KIAA0825: variants seen among roughly 807,000 people sequenced by gnomAD.
The protein encoded by KIAA0825 is uncharacterized protein KIAA0825.
KIAA0825 carries 119 observed loss-of-function variants against 147.6 expected under a neutral mutation model. That is an observed-to-expected ratio of 0.81 (90% CI 0.69 to 0.94). The LOEUF (loss-of-function observed/expected upper bound fraction) is 0.94. Ranked by LOEUF, KIAA0825 falls within the 40% of genes least tolerant of loss-of-function variation. The pLI, the probability that KIAA0825 is intolerant of heterozygous loss-of-function variation, is 0.00. For missense variants in KIAA0825, 1,381 were observed against 1,472.7 expected (o/e 0.94, Z 1.02); for synonymous variants, 470 against 518.1 (o/e 0.91, Z 1.26).
In KIAA0825 at chr5:94,152,843, AAAAAAAAAAAAATTAT is replaced by A. The variant is rs1766614901; in HGVS notation, c.*1148_*1163del. On this transcript the variant is annotated 3_prime_UTR_variant, in exon 21 of 21. Transcript: ENST00000682413. The stretch of plus-strand genomic sequence containing the variant: ...AATGAAAAAAAAAAAAAAAAAAAAA[AAAAAAAAAAAAATTAT>A]ATATATATATATATATATATATATA... The A allele has an allele frequency of 6.2e-4, 22 of 35,678 alleles. No individual in the cohort carries two copies. Among genetic ancestry groups the A allele is most frequent in the Non-Finnish European group, 1.0e-3 (19 of 18,222 alleles). 2.2% of individuals were successfully genotyped at this position (35,678 alleles called of 1,614,324 possible).
At chr5:94,202,190 A>G (rs1562310435) in intron 20 of KIAA0825, among the ~76,000 whole-genome samples, 1 of 152,232 alleles carries the variant, frequency 6.6e-6, no homozygotes, top group East Asian at 1.9e-4. Context: ...TAGCATCTGC[A>G]TGGCTGTACA....
intron 20 of KIAA0825, among the ~76,000 whole-genome samples, chr5:94,241,272 G>A (rs1775329851): frequency 6.6e-6 from 1 of 152,160 alleles, no homozygotes; most frequent in Non-Finnish European, 1.5e-5. Context: ...TTCAGCCACA[G>A]ACTGAAGCAA....
intron 1 of KIAA0825, among the ~76,000 whole-genome samples, chr5:94,613,914 T>C (rs1047019091): frequency 2.0e-5 from 3 of 152,254 alleles, no homozygotes; most frequent in Non-Finnish European, 2.9e-5. Context: ...AAAAATTTGA[T>C]TAATATGGCA....
At chr5:94,386,500 T>C in intron 18 of KIAA0825, 96 bp from the exon 19 acceptor site, 1 of 1,000,002 alleles carries the variant, frequency 1.0e-6, no homozygotes, top group Admixed American at 2.5e-5. Flanking sequence ...TTTCAGCACA[T>C]TTGCTAGATT....
chr5:94,334,040 A>G (rs1463727260), intron 20 of KIAA0825, among the ~76,000 whole-genome samples: 9 of 152,200 alleles, frequency 5.9e-5, no homozygotes. Context: ...AGTAATTTAT[A>G]CATTCAATGC....
chr5:94,447,757 T>C (rs548912417), intron 13 of KIAA0825, among the ~76,000 whole-genome samples: 1 of 152,238 alleles, frequency 6.6e-6, no homozygotes, highest in African/African-American at 2.4e-5. Flanking sequence ...GAGGAAAATA[T>C]ATGTATATAA....
intron 14 of KIAA0825, among the ~76,000 whole-genome samples, chr5:94,433,761 T>C (rs1323421514): frequency 1.3e-5 from 2 of 152,224 alleles, no homozygotes; most frequent in East Asian, 3.8e-4. Context: ...ACATGTTAAA[T>C]AGTATGCATT....
chr5:94,497,717 CTT>C (rs756811097), intron 5 of KIAA0825, among the ~76,000 whole-genome samples: 5 of 152,184 alleles, frequency 3.3e-5, no homozygotes, highest in Non-Finnish European at 5.9e-5. Context: ...TGGTATCAAA[CTT>C]TAGCATGTAT....
chr5:94,387,699 A>T (rs1054408633), intron 18 of KIAA0825, among the ~76,000 whole-genome samples: 2 of 140,776 alleles, frequency 1.4e-5, no homozygotes, highest in African/African-American at 5.2e-5. Context: ...TCTCAAAAAT[A>T]AAAAAAAAAA....
intron 17 of KIAA0825, 126 bp downstream of exon 17, chr5:94,395,975 T>C: frequency 1.2e-6 from 1 of 825,366 alleles, no homozygotes. Context: ...TTTATATTCA[T>C]CAAAGCTGCC....
Position 94,285,741 on chromosome 5 carries a change from AGG to A in KIAA0825, c.3710+98625_3710+98626del, listed in dbSNP as rs573345535. On this transcript the variant is annotated intron_variant, in intron 20 of 20. Transcript: ENST00000682413. Reference sequence around the variant, plus strand: ...AGTTATGAAGACTGAAAAGTCCATTAGGTAATGACTAGTAATGCCAAAGCTGA... The same window carrying A: ...AGTTATGAAGACTGAAAAGTCCATTATAATGACTAGTAATGCCAAAGCTGA... Among the ~76,000 whole-genome samples, 25 of 152,310 alleles carry A rather than the reference AGG, an allele frequency of 1.6e-4. No individual in the cohort carries two copies. The South Asian group carries it at 2.1e-3, about 13-fold the overall frequency.
chr5:94,574,007 G>A (rs150917653), intron 2 of KIAA0825, among the ~76,000 whole-genome samples: 83 of 152,262 alleles, frequency 5.5e-4, no homozygotes, highest in African/African-American at 2.0e-3. Context: ...AGCTAATGGT[G>A]TATCAACTGA....
At chr5:94,453,459 T>C (rs539331576) in intron 12 of KIAA0825, among the ~76,000 whole-genome samples, 138 of 152,008 alleles carry the variant, frequency 9.1e-4, no homozygotes, top group Admixed American at 5.5e-3. Flanking sequence ...AGTGCTGGGA[T>C]TACAGGCGTG....
intron 5 of KIAA0825, among the ~76,000 whole-genome samples, chr5:94,496,883 C>A (rs757833019): frequency 2.0e-5 from 3 of 152,078 alleles, no homozygotes; most frequent in East Asian, 3.9e-4. Flanking sequence ...CAAGCCGCTG[C>A]GGTTTTCCTG....
At chr5:94,512,867 G>A (rs1451428197) in intron 5 of KIAA0825, among the ~76,000 whole-genome samples, 1 of 152,122 alleles carries the variant, frequency 6.6e-6, no homozygotes, top group Non-Finnish European at 1.5e-5. Flanking sequence ...CTGCACTCCA[G>A]CCTGAGCGAT....
At chr5:94,171,015 C>G (rs551131906) in intron 20 of KIAA0825, among the ~76,000 whole-genome samples, 32 of 152,226 alleles carry the variant, frequency 2.1e-4, no homozygotes, top group Admixed American at 1.9e-3. Flanking sequence ...GCCAAAAATC[C>G]CTCTGAATCA....
chr5:94,371,608 G>A lies in KIAA0825; in HGVS notation c.3710+12760C>T, dbSNP rs1584288095. The stretch of plus-strand genomic sequence containing the variant: ...CATGAGAACTCACTCACTATCACTA[G>A]AACAGTATGGGGGAAACCACCCCCA... On this transcript the variant is annotated intron_variant, in intron 20 of 20. Transcript: ENST00000682413. Among the ~76,000 whole-genome samples the A allele has an allele frequency of 2.0e-5, 3 of 152,100 alleles. No individual in the cohort carries two copies. In the South Asian group the frequency reaches 6.2e-4, roughly 32 times the overall value.
At chr5:94,272,013 A>C (rs1485541777) in intron 20 of KIAA0825, among the ~76,000 whole-genome samples, 1 of 148,756 alleles carries the variant, frequency 6.7e-6, no homozygotes, top group African/African-American at 2.5e-5. Context: ...TGTCATTTGC[A>C]ACAGCATGGA....
intron 1 of KIAA0825, among the ~76,000 whole-genome samples, chr5:94,617,538 A>T (rs1790871167): frequency 6.6e-6 from 1 of 152,224 alleles, no homozygotes; most frequent in African/African-American, 2.4e-5. Context: ...CCCATAAAAA[A>T]AATGCAATAG....
Sources: gnomAD v4.1 joint callset for allele counts (sites outside exome capture counted in the v4.1 genomes callset) on GRCh38, gnomAD v4.1.1 for gene constraint, MANE v1.5 for transcripts, NCBI Gene and HGNC (gene_info 2026-07-23, HGNC 2026-07-21) for gene names.